The following PHRF1 variants were observed in gnomAD, a reference collection of about 807,000 sequenced individuals.
PHRF1 encodes the protein PHD and ring finger domains 1.
PHRF1 carries 53 observed loss-of-function variants against 128.9 expected under a neutral mutation model. The observed-to-expected ratio is 0.41, with a 90% CI of 0.33 to 0.52. PHRF1 has a LOEUF of 0.52. Among genes scored for constraint, PHRF1 ranks in the 20% least tolerant of loss-of-function variants. The pLI is 0.21. For synonymous variants in PHRF1, 1,178 were observed against 980.6 expected, an observed-to-expected ratio of 1.20 and a Z score of -3.76; for missense variants, 2,503 against 2,284.5, an observed-to-expected ratio of 1.10 and a Z score of -1.95.
In PHRF1 at chr11:610,962, G is replaced by A. The variant is rs777055344; in HGVS notation, c.4686G>A (p.Lys1562=). 28 of 1,613,120 alleles carry A rather than the reference G, an allele frequency of 1.7e-5. No individual in the cohort carries two copies. The highest frequency in any genetic ancestry group is 2.1e-5 in the Non-Finnish European group (25 of 1,179,718). ...AEKTKKEEYM[K]KLHMQERAVE... is the part of the protein sequence containing the mutation. The stretch of plus-strand genomic sequence containing the variant: ...ACACATGTCCCCTCTAGTACATGAA[G>A]AAGCTGCACATGCAGGAGCGTGCTG... Residue 1562 remains lysine (K), a synonymous_variant, in exon 17 of 18, where the codon AAG becomes AAA. Coordinates refer to ENST00000264555, the MANE Select transcript of PHRF1 (RefSeq NM_001286581.2).
In PHRF1 at chr11:605,686, C is replaced by T. The variant is rs1373689974; in HGVS notation, c.1416C>T (p.His472=). 1.2e-5 allele frequency: 19 copies of T among 1,613,124 alleles called. No homozygotes were observed. The Admixed American group carries it at 2.2e-4, about 18-fold the overall frequency. The stretch of plus-strand genomic sequence containing the variant: ...TGTCCCGGTCAGCCCTGCAGTCCCA[C>T]CAGCCCGTGGCCAGGCCCGTCTCCG... ...RALSRSALQS[H]QPVARPVSVG... The change falls in exon 12 of 18, where the codon CAC becomes CAT. Residue 472 remains histidine, a synonymous_variant. Coordinates refer to ENST00000264555, the MANE Select transcript of PHRF1 (RefSeq NM_001286581.2).
intron 1 of PHRF1, among the ~76,000 whole-genome samples, chr11:580,846 G>A (rs557731423): frequency 1.3e-5 from 2 of 151,852 alleles, no homozygotes; most frequent in East Asian, 1.9e-4. Flanking sequence ...CCGCCACCAC[G>A]CCTGGCTAAT....
chr11:602,744 TTTTTGGTTTTG>T (rs1855701952), intron 10 of PHRF1, among the ~76,000 whole-genome samples: 1 of 150,876 alleles, frequency 6.6e-6, no homozygotes, highest in African/African-American at 2.5e-5. Flanking sequence ...TGCTGAATCT[TTTTTGGTTTTG>T]TTTTTGTTTT....
intron 14 of PHRF1, among the ~76,000 whole-genome samples, 198 bp downstream of exon 14, chr11:609,918 G>A (rs1589907981): frequency 6.6e-6 from 1 of 152,314 alleles, no homozygotes; most frequent in Admixed American, 6.5e-5. Context: ...GCCCCTGAGT[G>A]AGTAGGGCCC....
Position 587,321 on chromosome 11 carries a change from C to G in PHRF1, c.277C>G (p.Leu93Val). The G allele has an allele frequency of 6.2e-7, 1 of 1,613,740 alleles. No homozygotes were observed. Among genetic ancestry groups the G allele is most frequent in the Middle Eastern group, 1.7e-4 (1 of 6,006 alleles). The stretch of plus-strand genomic sequence containing the variant: ...GGAGGTAGCGGGTACTCAGGGGAAA[C>G]TGGAAGCCGCTGGCTCTTTCAATTC... ...LLEVAGTQGK[L>V]EAAGSFNSDD... is the part of the protein sequence containing the mutation. Residue 93 changes from leucine to valine, a missense_variant, in exon 4 of 18, where the codon CTG (leucine) becomes GTG (valine). By Grantham distance (32) the Leu-to-Val change is conservative (BLOSUM62 1). Coordinates refer to ENST00000264555, the MANE Select transcript of PHRF1 (RefSeq NM_001286581.2).
At position 597,405 on chromosome 11, in the gene PHRF1, C is replaced by G. The variant is rs372797208; in HGVS notation, c.729C>G (p.Pro243=). 1.2e-6 allele frequency: 2 copies of G among 1,612,204 alleles called. No homozygotes were observed. Among genetic ancestry groups the G allele is most frequent in the Non-Finnish European group, 1.7e-6 (2 of 1,179,110 alleles). ...GGTGGTTCTTCCCAGATGCGGGTCC[C>G]GTGAGTGAGGAGGAGGTCTCCCTGC... ...PGVVLAADAG[P]VSEEEVSLLL... The change falls in exon 8 of 18, where the codon CCC becomes CCG. Residue 243 remains proline, a synonymous_variant. Transcript: ENST00000264555. The surrounding 1 kb of genome is among the most constrained non-coding windows in gnomAD (Gnocchi z 6.5).
chr11:601,560 C>T lies in PHRF1; in HGVS notation c.1025-14C>T, dbSNP rs771713482. The T allele has an allele frequency of 6.2e-6, 10 of 1,613,350 alleles. No homozygotes were observed. The highest frequency in any genetic ancestry group is 3.3e-5 in the South Asian group (3 of 91,068). On this transcript the variant is annotated splice_polypyrimidine_tract_variant and intron_variant, in intron 9 of 17. Coordinates refer to ENST00000264555, the MANE Select transcript of PHRF1 (RefSeq NM_001286581.2). Reference sequence around the variant, plus strand: ...CAGCACAGAGAAGCACAGACTTCAACCTCTTTTCCTTAGGAAGACGGAAGA... The same window carrying T: ...CAGCACAGAGAAGCACAGACTTCAATCTCTTTTCCTTAGGAAGACGGAAGA...
chr11:610,654 G>T lies in PHRF1; in HGVS notation c.4570G>T (p.Ala1524Ser). 6.2e-7 allele frequency: 1 copy of T among 1,604,314 alleles called. No individual in the cohort carries two copies. ...ACAGACCCTGGCCCCAGTGCCCGCT[G>T]CCCTGACCCCAGCCTCAGAGCCAGC... ...AAQTLAPVPA[A>S]LTPASEPASQ... Residue 1524 changes from alanine to serine, a missense_variant, in exon 16 of 18, where the codon GCC becomes TCC. Physicochemically the swap from Ala to Ser is moderately conservative, Grantham distance 99. Transcript: ENST00000264555.
At position 582,069 on chromosome 11, in the gene PHRF1, G is replaced by T; in HGVS notation, c.202G>T (p.Glu68Ter). 1 of 1,596,838 alleles carries T rather than the reference G, an allele frequency of 6.3e-7. No individual in the cohort carries two copies. Reference sequence around the variant, plus strand: ...GGGGGCGTCTGAGGAGGAAGACCTGGAAGACAGATCTGGTGAGACAGCTGG... The same window carrying T: ...GGGGGCGTCTGAGGAGGAAGACCTGTAAGACAGATCTGGTGAGACAGCTGG... ...DEGASEEEDLEDRSGSEDSED... is the reference protein window; with the variant it reads ...DEGASEEEDL Residue 68 changes from glutamate to a stop codon, truncating the protein, a stop_gained, in exon 3 of 18, where the codon GAA becomes TAA. Coordinates refer to ENST00000264555, the MANE Select transcript of PHRF1 (RefSeq NM_001286581.2). LOFTEE classifies it high-confidence loss of function.
At chr11:580,606 C>T (rs1854146584) in intron 1 of PHRF1, among the ~76,000 whole-genome samples, 1 of 152,234 alleles carries the variant, frequency 6.6e-6, no homozygotes, top group Non-Finnish European at 1.5e-5. Flanking sequence ...TGAGGCCCCT[C>T]TTGTGCCCAG....
At position 582,059 on chromosome 11, in the gene PHRF1, G is replaced by C. The variant is rs556913390; in HGVS notation, c.192G>C (p.Glu64Asp). ...GAGAAGACGAGGGGGCGTCTGAGGAGGAAGACCTGGAAGACAGATCTGGTG... is the reference window on the plus strand; with the variant it reads ...GAGAAGACGAGGGGGCGTCTGAGGACGAAGACCTGGAAGACAGATCTGGTG... ...TDGEDEGASEEEDLEDRSGSE... is the reference protein window; with the variant it reads ...TDGEDEGASEDEDLEDRSGSE... Residue 64 changes from glutamate to aspartate, a missense_variant, in exon 3 of 18, where the codon GAG (glutamate) becomes GAC (aspartate). Physicochemically the swap from Glu to Asp is conservative, Grantham distance 45. Transcript: ENST00000264555. 4.4e-6 allele frequency: 7 copies of C among 1,598,476 alleles called. No homozygotes were observed. In the East Asian group the frequency reaches 9.1e-5, roughly 21 times the overall value.
intron 4 of PHRF1, among the ~76,000 whole-genome samples, chr11:588,236 G>C (rs1453042148): frequency 6.6e-6 from 1 of 152,204 alleles, no homozygotes; most frequent in Non-Finnish European, 1.5e-5. Context: ...TGTATGCTTA[G>C]TTTGAAGCAG....
chr11:583,232 G>A lies in PHRF1; in HGVS notation c.214+1151G>A, dbSNP rs1308899955. Among the ~76,000 whole-genome samples the A allele has an allele frequency of 2.6e-5, 4 of 151,946 alleles. No homozygotes were observed. In the East Asian group the frequency reaches 7.7e-4, roughly 29 times the overall value. On this transcript the variant is annotated intron_variant, in intron 3 of 17. Transcript: ENST00000264555. The stretch of plus-strand genomic sequence containing the variant: ...CACGCGCCTGTAATCCCAGCTACTT[G>A]GGAGGCTGAGGCAGGAGAATTGCTG...
intron 6 of PHRF1, 85 bp from the exon 7 acceptor site, chr11:596,838 G>T: frequency 2.5e-6 from 3 of 1,198,320 alleles, no homozygotes; most frequent in Non-Finnish European, 3.7e-6. Context: ...GCCATCGGAG[G>T]CCTGCTTTGT....
In PHRF1 at chr11:609,194, G is replaced by A; in HGVS notation, c.3738G>A (p.Leu1246=). ...DKAPLQAPPV[L]EVAAECEPDD... is the part of the protein sequence containing the mutation. ...CCCCCCTGCAGGCTCCCCCTGTCCT[G>A]GAGGTGGCAGCTGAGTGTGAGCCGG... The change falls in exon 14 of 18, where the codon CTG becomes CTA. Residue 1246 remains leucine (L), a synonymous_variant. Coordinates refer to ENST00000264555, the MANE Select transcript of PHRF1 (RefSeq NM_001286581.2). 2 of 1,608,234 alleles carry A rather than the reference G, an allele frequency of 1.2e-6. No homozygotes were observed. Among genetic ancestry groups the A allele is most frequent in the Non-Finnish European group, 1.7e-6 (2 of 1,179,724 alleles).
intron 3 of PHRF1, among the ~76,000 whole-genome samples, chr11:585,279 C>T (rs1854470560): frequency 2.3e-5 from 3 of 132,412 alleles, no homozygotes; most frequent in South Asian, 2.8e-4. Context: ...GAGGTAGTAG[C>T]CCTTTCCAGC....
At chr11:584,722 C>G (rs1195181292) in intron 3 of PHRF1, among the ~76,000 whole-genome samples, 1 of 149,746 alleles carries the variant, frequency 6.7e-6, no homozygotes, top group Non-Finnish European at 1.5e-5. Context: ...TTTTATTTCT[C>G]CAGGACCTTT....
chr11:594,503 T>C (rs1288831489), intron 6 of PHRF1, among the ~76,000 whole-genome samples: 1 of 151,400 alleles, frequency 6.6e-6, no homozygotes, highest in Non-Finnish European at 1.5e-5. Flanking sequence ...CACTGCAACC[T>C]CTGCAGCGAG....
chr11:598,587 G>A, intron 9 of PHRF1, 85 bp downstream of exon 9: 1 of 1,476,912 alleles, frequency 6.8e-7, no homozygotes, highest in Non-Finnish European at 9.0e-7. Context: ...TCAAGGCTGT[G>A]GGCATTTCCA....
Sources: allele counts gnomAD v4.1 joint callset (sites outside exome capture counted in the v4.1 genomes callset), GRCh38; gene constraint gnomAD v4.1.1; non-coding constraint Gnocchi (gnomAD v3.1); transcripts MANE v1.5; gene names NCBI Gene and HGNC (gene_info 2026-07-23, HGNC 2026-07-21).